The following EFCAB6 variants were observed in gnomAD, a reference collection of about 807,000 sequenced individuals.
EFCAB6 encodes EF-hand calcium-binding domain-containing protein 6.
EFCAB6 carries 156 observed loss-of-function variants against 169.8 expected under a neutral mutation model. That is an observed-to-expected ratio of 0.92 (90% CI 0.81 to 1.05). The LOEUF is 1.05. EFCAB6 is among the 50% of genes least tolerant of loss of function. EFCAB6 has a pLI of 0.00. For synonymous variants in EFCAB6, 698 were observed against 676.4 expected, an observed-to-expected ratio of 1.03 and a Z score of -0.50; for missense variants, 1,800 against 1,829.1, an observed-to-expected ratio of 0.98 and a Z score of 0.29.
At chr22:43,808,565 C>T (rs1292653032) in intron 2 of EFCAB6, among the ~76,000 whole-genome samples, 1 of 152,162 alleles carries the variant, frequency 6.6e-6, no homozygotes, top group African/African-American at 2.4e-5. Context: ...AAGTGCCTGG[C>T]ACACAGTGAA....
intron 27 of EFCAB6, among the ~76,000 whole-genome samples, chr22:43,544,611 C>A (rs1049940978): frequency 2.0e-5 from 3 of 152,132 alleles, no homozygotes; most frequent in Non-Finnish European, 4.4e-5. Context: ...GGAAAAGCCT[C>A]CTGGTGGGGT....
At chr22:43,732,285 C>T (rs149824088) in intron 7 of EFCAB6, among the ~76,000 whole-genome samples, 231 of 152,070 alleles carry the variant, frequency 1.5e-3, no homozygotes, top group African/African-American at 5.4e-3. Flanking sequence ...GAGATGATCT[C>T]GACTGAGCAT....
intron 17 of EFCAB6, among the ~76,000 whole-genome samples, chr22:43,659,272 A>G (rs1381600782): frequency 1.3e-5 from 2 of 152,326 alleles, no homozygotes; most frequent in Non-Finnish European, 1.5e-5. Flanking sequence ...AGCTTTTAGA[A>G]TATCTGTTTC....
chr22:43,796,452 A>C (rs1252507194), intron 2 of EFCAB6, among the ~76,000 whole-genome samples: 2 of 152,210 alleles, frequency 1.3e-5, no homozygotes, highest in African/African-American at 2.4e-5. Context: ...TTTTGTTTGT[A>C]ATACTCCTTT....
At chr22:43,577,015 C>T (rs1167274888) in intron 25 of EFCAB6, among the ~76,000 whole-genome samples, 1 of 152,196 alleles carries the variant, frequency 6.6e-6, no homozygotes, top group East Asian at 1.9e-4. Context: ...CCTGACCCCA[C>T]CCCTGTCCTT....
chr22:43,675,273 CTATAA>C (rs1397872897), intron 13 of EFCAB6, among the ~76,000 whole-genome samples: 39 of 123,012 alleles, frequency 3.2e-4, no homozygotes, highest in Admixed American at 1.0e-3. Flanking sequence ...ATATATTATG[CTATAA>C]TATAATTATT....
chr22:43,784,572 TACATATACAC>T (rs1569487327), intron 2 of EFCAB6, among the ~76,000 whole-genome samples: 4 of 79,080 alleles, frequency 5.1e-5, no homozygotes, highest in Non-Finnish European at 7.2e-5. Context: ...TATATATGTG[TACATATACAC>T]ATATATATGT....
rs557410239 is a variant in EFCAB6, at chr22:43,651,768, T to C, written c.1983+15336A>G. On this transcript the variant is annotated intron_variant, in intron 17 of 31. Coordinates refer to ENST00000262726, the MANE Select transcript of EFCAB6 (RefSeq NM_022785.4). ...ACCCACCTCTTACATCAGTGTGACC[T>C]GGATGTGAGACATGGAGTCAAAGGA... Among the ~76,000 whole-genome samples the C allele has an allele frequency of 8.5e-5, 13 of 152,350 alleles. No individual in the cohort carries two copies. In the East Asian group the frequency reaches 2.1e-3, roughly 25 times the overall value.
intron 5 of EFCAB6, among the ~76,000 whole-genome samples, chr22:43,760,175 G>C (rs1214623436): frequency 1.5e-5 from 2 of 132,416 alleles, no homozygotes; most frequent in Non-Finnish European, 3.0e-5. Flanking sequence ...CTGCACTCCA[G>C]CCTGGGTGAC....
At chr22:43,696,800 C>T (rs141295881) in intron 10 of EFCAB6, among the ~76,000 whole-genome samples, 123 of 151,994 alleles carry the variant, frequency 8.1e-4, no homozygotes, top group African/African-American at 2.8e-3. Context: ...GTGGGGGTCA[C>T]GGGAGGGGAT....
chr22:43,770,396 A>G (rs1464453136), intron 4 of EFCAB6, among the ~76,000 whole-genome samples: 3 of 152,250 alleles, frequency 2.0e-5, no homozygotes, highest in African/African-American at 7.2e-5. Context: ...CTCAATGGAA[A>G]AGACCATCAA....
At chr22:43,542,613 A>T (rs552252430) in intron 27 of EFCAB6, among the ~76,000 whole-genome samples, 3 of 152,302 alleles carry the variant, frequency 2.0e-5, no homozygotes, top group Admixed American at 2.0e-4. Context: ...GGAGGAGGCC[A>T]TGAGGGACCA....
rs113554035 is a variant in EFCAB6 at position 43,602,252 on chromosome 22, A to G, written c.2682-1989T>C. Among the ~76,000 whole-genome samples the G allele has an allele frequency of 3.9e-3, 601 of 152,286 alleles. 3 individuals carry two copies. The highest frequency in any genetic ancestry group is 0.014 in the Middle Eastern group (4 of 294). Reference sequence around the variant, plus strand: ...TTATGAGGATGGCCTTAATTTTGCAACCCAGAAAAGTACACTTCCACCTTT... The same window carrying G: ...TTATGAGGATGGCCTTAATTTTGCAGCCCAGAAAAGTACACTTCCACCTTT... On this transcript the variant is annotated intron_variant, in intron 22 of 31. Transcript: ENST00000262726.
rs6006534 is a variant in EFCAB6 at position 43,711,779 on chromosome 22, T to C, written c.883-156A>G. ...CATGTACTGAACTTCAAATGTTTAA[T>C]TGATGAGCTCACTACAAAACAGTAT... On this transcript the variant is annotated intron_variant, in intron 9 of 31. Coordinates refer to ENST00000262726, the MANE Select transcript of EFCAB6 (RefSeq NM_022785.4). 8.7e-3 allele frequency among the ~76,000 whole-genome samples: 1,326 copies of C among 152,346 alleles called. 19 individuals carry two copies. Among genetic ancestry groups the C allele is most frequent in the African/African-American group, 0.031 (1,281 of 41,578 alleles).
At chr22:43,541,199 C>T (rs954991148) in intron 27 of EFCAB6, among the ~76,000 whole-genome samples, 3 of 152,150 alleles carry the variant, frequency 2.0e-5, no homozygotes, top group African/African-American at 7.2e-5. Context: ...CCCCTGGAAG[C>T]CTGGGCTCTG....
At chr22:43,598,054 G>GT (rs2052158330) in intron 23 of EFCAB6, among the ~76,000 whole-genome samples, 1 of 152,174 alleles carries the variant, frequency 6.6e-6, no homozygotes, top group African/African-American at 2.4e-5. Flanking sequence ...GCTCACGCCT[G>GT]TAAGACCAGC....
intron 12 of EFCAB6, among the ~76,000 whole-genome samples, chr22:43,681,516 G>A (rs1302113691): frequency 6.6e-6 from 1 of 152,184 alleles, no homozygotes; most frequent in African/African-American, 2.4e-5. Context: ...CTGAAAGTTT[G>A]TGAAGGAATG....
chr22:43,669,669 TG>T (rs1569351372), intron 15 of EFCAB6, among the ~76,000 whole-genome samples: 1 of 152,194 alleles, frequency 6.6e-6, no homozygotes, highest in Non-Finnish European at 1.5e-5. Context: ...TTATGGATAT[TG>T]ACATATGATG....
At chr22:43,567,165 C>A (rs948967597) in intron 26 of EFCAB6, among the ~76,000 whole-genome samples, 3 of 152,110 alleles carry the variant, frequency 2.0e-5, no homozygotes, top group Admixed American at 1.3e-4. Flanking sequence ...TCCCCCTCCT[C>A]CTCCCAGCTC....
Sources: allele counts gnomAD v4.1 joint callset (sites outside exome capture counted in the v4.1 genomes callset), GRCh38; gene constraint gnomAD v4.1.1; transcripts MANE v1.5; gene names NCBI Gene and HGNC (gene_info 2026-07-23, HGNC 2026-07-21).